Variants in ESR1 observed in about 807,000 individuals in gnomAD.
ESR1 encodes estrogen receptor.
ESR1 carries 12 observed loss-of-function variants against 52.7 expected under a neutral mutation model. The ratio of observed to expected loss-of-function variants is 0.23; its 90% CI spans 0.15 to 0.37. The LOEUF is 0.37. Ranked by LOEUF, ESR1 falls within the 10% of genes least tolerant of loss-of-function variation. The pLI is 1.00. For missense variants in ESR1, 584 were observed against 779.7 expected (o/e 0.75, Z 2.99); for synonymous variants, 305 against 316.8 (o/e 0.96, Z 0.39).
chr6:151,753,885 G>A (rs1201294967), intron 2 of ESR1, among the ~76,000 whole-genome samples: 1 of 152,176 alleles, frequency 6.6e-6, no homozygotes, highest in Non-Finnish European at 1.5e-5. Context: ...TTGTGGGCCT[G>A]TTCCTAGAAT....
At chr6:152,012,560 A>G (rs1389927375) in intron 5 of ESR1, among the ~76,000 whole-genome samples, 1 of 152,158 alleles carries the variant, frequency 6.6e-6, no homozygotes, top group African/African-American at 2.4e-5. Context: ...ACATCCTGCT[A>G]CTTGCAAAAA....
intron 2 of ESR1, among the ~76,000 whole-genome samples, chr6:151,763,854 A>G (rs887830771): frequency 4.6e-5 from 7 of 152,196 alleles, no homozygotes; most frequent in African/African-American, 1.7e-4. Flanking sequence ...ACAGAGAATT[A>G]AAATACAACG....
At chr6:151,918,143 A>C (rs1287087574) in intron 3 of ESR1, among the ~76,000 whole-genome samples, 1 of 152,288 alleles carries the variant, frequency 6.6e-6, no homozygotes, top group South Asian at 2.1e-4. Context: ...GGCTGACAGC[A>C]TGTGAATTGA....
At chr6:151,806,013 T>C (rs1777780554), upstream of ESR1, among the ~76,000 whole-genome samples, 1 of 152,190 alleles carries the variant, frequency 6.6e-6, no homozygotes, top group South Asian at 2.1e-4. Context: ...CAGGTTCACA[T>C]TTTTTAAGAG....
At chr6:152,051,052 C>T (rs1199512933) in intron 5 of ESR1, among the ~76,000 whole-genome samples, 1 of 152,186 alleles carries the variant, frequency 6.6e-6, no homozygotes, top group Admixed American at 6.5e-5. Flanking sequence ...GCATCTTAGA[C>T]TAGAAGCTCC....
At chr6:151,988,832 AT>A (rs548855928) in intron 4 of ESR1, among the ~76,000 whole-genome samples, 17 of 152,214 alleles carry the variant, frequency 1.1e-4, no homozygotes, top group Non-Finnish European at 2.2e-4. Context: ...TATGAAAAAA[AT>A]ATCTTTTTTC....
intron 2 of ESR1, among the ~76,000 whole-genome samples, chr6:151,796,994 C>T (rs560919704): frequency 6.6e-6 from 1 of 152,342 alleles, no homozygotes; most frequent in Non-Finnish European, 1.5e-5. Flanking sequence ...ATACACAATG[C>T]TACTACAGTC....
chr6:152,112,678 C>T (rs1348683578), intron 6 of ESR1: 3 of 152,190 alleles, frequency 2.0e-5, no homozygotes, highest in Admixed American at 6.5e-5. Context: ...TACCCAGCCC[C>T]AGAACGAAAC....
intron 3 of ESR1, among the ~76,000 whole-genome samples, chr6:151,897,919 A>G (rs1795805175): frequency 2.0e-5 from 3 of 152,120 alleles, no homozygotes; most frequent in Admixed American, 2.0e-4. Flanking sequence ...CGTTGTTTTT[A>G]TCTGAAAAAG....
rs531077411 is a variant in ESR1, at chr6:152,094,362, T to A, written c.1370-23T>A. 11 of 1,610,670 alleles carry A rather than the reference T, an allele frequency of 6.8e-6. No homozygotes were observed. In the African/African-American group the frequency reaches 1.3e-4, roughly 20 times the overall value. ...CTCATCCTCTTTGAGCTTCTCTCTC[T>A]CACTCTCTCTCTGCGCATTCAGGAG... is the stretch of plus-strand genomic sequence containing the variant. On this transcript the variant is annotated intron_variant, in intron 6 of 7. Coordinates refer to ENST00000206249, the MANE Select transcript of ESR1 (RefSeq NM_000125.4). This position sits in a 1 kb window ranked among gnomAD's most constrained non-coding sequence, Gnocchi z 4.6.
intron 4 of ESR1, among the ~76,000 whole-genome samples, chr6:151,970,210 T>C (rs1361618810): frequency 6.6e-5 from 10 of 152,064 alleles, no homozygotes; most frequent in African/African-American, 2.2e-4. Flanking sequence ...GTAAATAAGG[T>C]TAAGGAAGGC....
At chr6:152,041,728 A>G (rs2045816438) in intron 5 of ESR1, among the ~76,000 whole-genome samples, 1 of 152,226 alleles carries the variant, frequency 6.6e-6, no homozygotes, top group African/African-American at 2.4e-5. Context: ...TCTCTCCAAC[A>G]AGATTATGAC....
At chr6:151,934,734 G>A (rs1019633038) in intron 3 of ESR1, among the ~76,000 whole-genome samples, 10 of 152,110 alleles carry the variant, frequency 6.6e-5, no homozygotes, top group African/African-American at 2.4e-4. Flanking sequence ...AGCATCAGTG[G>A]GAAAACAGGG....
chr6:151,852,976 A>G (rs1482745687), intron 2 of ESR1, among the ~76,000 whole-genome samples: 2 of 151,794 alleles, frequency 1.3e-5, no homozygotes, highest in African/African-American at 4.8e-5. Context: ...GATTGAGACC[A>G]TCCTGGCCAA....
intron 4 of ESR1, among the ~76,000 whole-genome samples, chr6:151,957,575 T>C (rs1053665966): frequency 5.9e-5 from 9 of 152,094 alleles, no homozygotes; most frequent in African/African-American, 2.2e-4. Context: ...AAATTCTAGG[T>C]ATTGACCCCT....
At chr6:151,989,380 T>A (rs1473283852) in intron 4 of ESR1, among the ~76,000 whole-genome samples, 2 of 152,172 alleles carry the variant, frequency 1.3e-5, no homozygotes, top group African/African-American at 4.8e-5. Flanking sequence ...ACAGTTTTCC[T>A]ATGCTGTCTT....
chr6:151,714,214 T>C (rs1314739078), intron 2 of ESR1, among the ~76,000 whole-genome samples: 3 of 151,924 alleles, frequency 2.0e-5, no homozygotes, highest in East Asian at 1.9e-4. Flanking sequence ...ACTGTTAGGA[T>C]TTCCATTCTT....
chr6:151,997,642 C>G (rs1045175054), intron 4 of ESR1, among the ~76,000 whole-genome samples: 1 of 152,034 alleles, frequency 6.6e-6, no homozygotes, highest in African/African-American at 2.4e-5. Flanking sequence ...GATCCAAGAA[C>G]CTAGGTAATT....
intron 6 of ESR1, among the ~76,000 whole-genome samples, chr6:152,075,406 G>T (rs919957829): frequency 8.5e-5 from 13 of 152,146 alleles, no homozygotes; most frequent in African/African-American, 3.1e-4. Context: ...CCTTCCTCTC[G>T]TTAAGGAAAA....
Sources: gnomAD v4.1 joint callset for allele counts (sites outside exome capture counted in the v4.1 genomes callset) on GRCh38, gnomAD v4.1.1 for gene constraint, Gnocchi (gnomAD v3.1) non-coding constraint, MANE v1.5 for transcripts, NCBI Gene and HGNC (gene_info 2026-07-23, HGNC 2026-07-21) for gene names.